The following GRIP1 variants were observed in gnomAD, a reference collection of about 807,000 sequenced individuals.
The protein encoded by GRIP1 is glutamate receptor interacting protein 1.
GRIP1 carries 45 observed loss-of-function variants against 129.9 expected under a neutral mutation model. That is an observed-to-expected ratio of 0.35 (90% CI 0.27 to 0.44). The LOEUF is 0.44. GRIP1 is among the 20% of genes least tolerant of loss of function. The probability of loss-of-function intolerance (pLI) is 1.00; values close to 1 mark genes in which losing one functional copy is unlikely to be tolerated. For synonymous variants in GRIP1, 530 were observed against 520.8 expected (o/e 1.02, Z -0.24); for missense variants, 1,196 against 1,396.8 (o/e 0.86, Z 2.29).
chr12:66,906,241 T>C (rs920377297), intron 1 of GRIP1, among the ~76,000 whole-genome samples: 5 of 151,540 alleles, frequency 3.3e-5, no homozygotes, highest in East Asian at 1.9e-4. Context: ...CTGGGCAACA[T>C]AGCAAGACCT....
At chr12:66,864,012 G>A (rs184147907) in intron 1 of GRIP1, among the ~76,000 whole-genome samples, 2 of 152,050 alleles carry the variant, frequency 1.3e-5, no homozygotes, top group African/African-American at 4.8e-5. Flanking sequence ...CTTTCAACTG[G>A]CATGCCCTTC....
chr12:67,018,764 G>A (rs546529723), intron 1 of GRIP1, among the ~76,000 whole-genome samples: 1 of 152,062 alleles, frequency 6.6e-6, no homozygotes, highest in South Asian at 2.1e-4. Flanking sequence ...CAGCCAGTCA[G>A]CTCCATTTTG....
At chr12:66,730,909 A>G in intron 1 of GRIP1, among the ~76,000 whole-genome samples, 1 of 152,134 alleles carries the variant, frequency 6.6e-6, no homozygotes. Context: ...ATGGCATTCT[A>G]TCAATAGAAT....
At chr12:66,661,933 C>T (rs2033534388) in intron 1 of GRIP1, among the ~76,000 whole-genome samples, 1 of 152,134 alleles carries the variant, frequency 6.6e-6, no homozygotes, top group Non-Finnish European at 1.5e-5. Flanking sequence ...AAATTTTGGC[C>T]AGAAATGATT....
intron 7 of GRIP1, among the ~76,000 whole-genome samples, chr12:66,477,368 G>A (rs1174659212): frequency 6.6e-6 from 1 of 151,828 alleles, no homozygotes; most frequent in African/African-American, 2.4e-5. Context: ...ACTGCTCAAT[G>A]AAATAAAAGA....
intron 1 of GRIP1, among the ~76,000 whole-genome samples, chr12:66,608,165 CAT>C (rs1180299999): frequency 6.6e-6 from 1 of 152,148 alleles, no homozygotes; most frequent in Non-Finnish European, 1.5e-5. Context: ...AAACAGATGA[CAT>C]GTGTTTTTAA....
intron 1 of GRIP1, among the ~76,000 whole-genome samples, chr12:67,057,941 T>G (rs181304225): frequency 3.6e-4 from 55 of 152,354 alleles, no homozygotes; most frequent in Non-Finnish European, 5.4e-4. Flanking sequence ...ATCTGTAAAA[T>G]GCAATTCTAA....
intron 1 of GRIP1, among the ~76,000 whole-genome samples, chr12:66,777,369 C>A (rs755577771): frequency 1.3e-5 from 2 of 152,136 alleles, no homozygotes; most frequent in African/African-American, 4.8e-5. Context: ...GTAACTAACC[C>A]CCTTGAATCC....
chr12:66,809,700 C>G (rs1474554613), intron 1 of GRIP1, among the ~76,000 whole-genome samples: 1 of 149,538 alleles, frequency 6.7e-6, no homozygotes, highest in African/African-American at 2.5e-5. Context: ...TGGTGTGTTG[C>G]CCAGGCTGGA....
chr12:66,592,625 G>A (rs750447054), intron 2 of GRIP1, among the ~76,000 whole-genome samples: 3 of 152,178 alleles, frequency 2.0e-5, no homozygotes, highest in Non-Finnish European at 2.9e-5. Flanking sequence ...TATATAGAAA[G>A]AGGAGGCAAG....
intron 1 of GRIP1, among the ~76,000 whole-genome samples, chr12:66,836,781 T>TA (rs975891561): frequency 1.3e-4 from 20 of 152,176 alleles, no homozygotes; most frequent in African/African-American, 4.8e-4. Context: ...GTACTATCAT[T>TA]AATAGGCCTC....
intron 1 of GRIP1, among the ~76,000 whole-genome samples, chr12:66,703,455 G>A (rs1228016522): frequency 6.6e-6 from 1 of 152,128 alleles, no homozygotes; most frequent in African/African-American, 2.4e-5. Context: ...CAAAGGGAGA[G>A]GAGGGAAGAT....
intron 5 of GRIP1, among the ~76,000 whole-genome samples, chr12:66,524,825 C>A (rs2139031115): frequency 6.6e-6 from 1 of 152,126 alleles, no homozygotes; most frequent in East Asian, 1.9e-4. Context: ...CAAATAGATG[C>A]AATAAAAAAT....
chr12:66,891,390 C>A (rs1026008317), intron 1 of GRIP1, among the ~76,000 whole-genome samples: 2 of 152,134 alleles, frequency 1.3e-5, no homozygotes, highest in African/African-American at 2.4e-5. Context: ...TCATATCTGG[C>A]CACAAAGCAC....
chr12:66,353,353 A>C, intron 24 of GRIP1, 64 bp downstream of exon 24: 1 of 1,108,612 alleles, frequency 9.0e-7, no homozygotes, highest in East Asian at 2.3e-5. Flanking sequence ...ATGCAGGAGG[A>C]TGTGGAGGAA....
At chr12:66,529,097 C>T (rs1369169734) in intron 5 of GRIP1, among the ~76,000 whole-genome samples, 2 of 152,042 alleles carry the variant, frequency 1.3e-5, no homozygotes, top group Non-Finnish European at 2.9e-5. Context: ...AATGTGGTAC[C>T]ACCTTATTCC....
At chr12:66,441,073 C>T (rs2058459237) in intron 13 of GRIP1, among the ~76,000 whole-genome samples, 1 of 152,218 alleles carries the variant, frequency 6.6e-6, no homozygotes, top group African/African-American at 2.4e-5. Flanking sequence ...ACTCTCCACT[C>T]ATTCCTCAGC....
intron 1 of GRIP1, among the ~76,000 whole-genome samples, chr12:66,705,653 C>T (rs141012342): frequency 0.012 from 1,893 of 152,266 alleles, 20 homozygotes; most frequent in Middle Eastern, 0.024. Context: ...TGATTTCAAA[C>T]TATACTACAA....
At chr12:66,789,496 G>A (rs1016824522) in intron 1 of GRIP1, among the ~76,000 whole-genome samples, 1 of 152,042 alleles carries the variant, frequency 6.6e-6, no homozygotes, top group Non-Finnish European at 1.5e-5. Context: ...GTATGTTATA[G>A]CATTGTAAAA....
Sources: gnomAD v4.1 joint callset for allele counts (sites outside exome capture counted in the v4.1 genomes callset) on GRCh38, gnomAD v4.1.1 for gene constraint, MANE v1.5 for transcripts, NCBI Gene and HGNC (gene_info 2026-07-23, HGNC 2026-07-21) for gene names.